Variants in RTKN observed in about 807,000 individuals in gnomAD.
The protein encoded by RTKN is rhotekin.
RTKN carries 49 observed loss-of-function variants against 63.5 expected under a neutral mutation model. The ratio of observed to expected loss-of-function variants is 0.77; its 90% CI spans 0.61 to 0.98. RTKN has a LOEUF of 0.98. RTKN is among the 50% of genes least tolerant of loss of function. RTKN has a pLI of 0.00. For missense variants in RTKN, 685 were observed against 740.8 expected (o/e 0.92, Z 0.87); for synonymous variants, 295 against 290.4 (o/e 1.02, Z -0.16).
intron 11 of RTKN, chr2:74,426,848 AAAGCGGTGCC>A: frequency 7.4e-7 from 1 of 1,343,200 alleles, no homozygotes; most frequent in Non-Finnish European, 9.5e-7. Context: ...GGAGAAAATG[AAAGCGGTGCC>A]AGGCAAGTGA....
intron 6 of RTKN, 62 bp from the exon 7 acceptor site, chr2:74,429,004 A>ATG (rs1243381289): frequency 7.6e-7 from 1 of 1,322,590 alleles, no homozygotes; most frequent in Non-Finnish European, 1.1e-6. Flanking sequence ...AGGAACTCTA[A>ATG]GGGCTGAGCA....
rs1472408365 is a variant in RTKN, at chr2:74,426,191, C to T, written c.*52G>A. 18 of 1,524,546 alleles carry T rather than the reference C, an allele frequency of 1.2e-5. No individual in the cohort carries two copies. The highest frequency in any genetic ancestry group is 6.9e-5 in the Admixed American group (4 of 58,162). 94.4% of individuals were successfully genotyped at this position (1,524,546 alleles called of 1,614,324 possible). A position where few individuals can be genotyped will look rare whatever the true frequency, so the allele number is the denominator to read the frequency against. On this transcript the variant is annotated 3_prime_UTR_variant, in exon 12 of 12. Coordinates refer to ENST00000272430, the MANE Select transcript of RTKN (RefSeq NM_001015055.2). ...CAGCGCCGTATCCAGAGCCCAACTGCGCATGGGTCATTTTCTCTTCTGGGC... is the reference window on the plus strand; with the variant it reads ...CAGCGCCGTATCCAGAGCCCAACTGTGCATGGGTCATTTTCTCTTCTGGGC...
rs1270120066 is a variant in RTKN, at chr2:74,428,694, G to GCAACACAC, written c.886_893dup (p.Cys298TrpfsTer13). On this transcript the variant is annotated frameshift_variant, in exon 8 of 12. Transcript: ENST00000272430. LOFTEE classifies it high-confidence loss of function. Reference sequence around the variant, plus strand: ...TGCAGAGAGGCTGAGCTGCCAGACGGCAACACACGCTACCATAAAGGGGCA... The same window carrying GCAACACAC: ...TGCAGAGAGGCTGAGCTGCCAGACGGCAACACACCAACACACGCTACCATAAAGGGGCA... 1 of 1,614,034 alleles carries GCAACACAC rather than the reference G, an allele frequency of 6.2e-7. No homozygotes were observed. The highest frequency in any genetic ancestry group is 8.5e-7 in the Non-Finnish European group (1 of 1,179,974).
chr2:74,427,128 C>T, intron 11 of RTKN, 41 bp downstream of exon 11: 12 of 1,587,220 alleles, frequency 7.6e-6, no homozygotes, highest in Non-Finnish European at 1.0e-5. Context: ...CCCAACCCTA[C>T]TTCCCATTAG....
chr2:74,433,019 G>A (rs989311023), intron 1 of RTKN, among the ~76,000 whole-genome samples: 5 of 152,086 alleles, frequency 3.3e-5, no homozygotes, highest in Non-Finnish European at 5.9e-5. Context: ...AGAGGCAGGC[G>A]GATCACAAGG....
At chr2:74,439,890 AG>A in intron 1 of RTKN, 1 of 1,296,538 alleles carries the variant, frequency 7.7e-7, no homozygotes, top group Middle Eastern at 3.1e-4. Flanking sequence ...AGTGAGGATA[AG>A]TGGGGTCCCA....
Position 74,428,332 on chromosome 2 carries a change from CAGAAG to C in RTKN, c.1017_1021del (p.Phe340LeufsTer5). On this transcript the variant is annotated frameshift_variant, in exon 9 of 12. Transcript: ENST00000272430. LOFTEE classifies it high-confidence loss of function. ...GTCTGCATCCTCAGGTTGCCGGTAA[CAGAAG>C]AGGTTTGTGCCTTTCAGAACTCCAT... The C allele has an allele frequency of 6.2e-7, 1 of 1,614,180 alleles. No homozygotes were observed. The highest frequency in any genetic ancestry group is 8.5e-7 in the Non-Finnish European group (1 of 1,180,018).
intron 6 of RTKN, 39 bp from the exon 7 acceptor site, chr2:74,428,981 C>A: frequency 6.5e-7 from 1 of 1,531,818 alleles, no homozygotes; most frequent in South Asian, 1.1e-5. Context: ...AAGGGAGGGG[C>A]ATGTTGGCCA....
In RTKN at chr2:74,427,160, C is replaced by T. The variant is rs1297520979; in HGVS notation, c.1360+9G>A. 13 of 1,611,560 alleles carry T rather than the reference C, an allele frequency of 8.1e-6. No homozygotes were observed. The highest frequency in any genetic ancestry group is 1.3e-5 in the African/African-American group (1 of 74,944). On this transcript the variant is annotated intron_variant, in intron 11 of 11. Coordinates refer to ENST00000272430, the MANE Select transcript of RTKN (RefSeq NM_001015055.2). ...TTAGCTTCCTGGAGTTCACATTCCT[C>T]TCACTTACCCATCTCATGGTACAAG...
chr2:74,440,584 C>G (rs1035499378), intron 1 of RTKN: 4 of 985,502 alleles, frequency 4.1e-6, no homozygotes, highest in African/African-American at 3.5e-5. Flanking sequence ...GAGCTGTCCC[C>G]GAAGGCCGGG....
rs1242503285 is a variant in RTKN at position 74,430,450 on chromosome 2, G to A, written c.427+15C>T. On this transcript the variant is annotated intron_variant, in intron 4 of 11. Transcript: ENST00000272430. ...GTCATTCCCCTGAATTTGTCCCAGG[G>A]TGTGTGGAACTCACCACCTTTGTTC... The A allele has an allele frequency of 1.2e-6, 2 of 1,614,042 alleles. No individual in the cohort carries two copies. The highest frequency in any genetic ancestry group is 1.7e-6 in the Non-Finnish European group (2 of 1,179,882).
rs748739513 is a variant in RTKN, at chr2:74,430,009, G to A, written c.574C>T (p.Arg192Trp). ...ACACAGGCCCCATACAGCTCTAACCGCAGTTCAAAGTCTGGCCCCGCCTCA... is the reference window on the plus strand; with the variant it reads ...ACACAGGCCCCATACAGCTCTAACCACAGTTCAAAGTCTGGCCCCGCCTCA... Reference protein sequence around the residue: ...FAEAGPDFELRLELYGACVEE... With the variant: ...FAEAGPDFELWLELYGACVEE... Residue 192 changes from arginine (R) to tryptophan (W), a missense_variant, in exon 6 of 12, where the codon CGG (arginine) becomes TGG (tryptophan). Transcript: ENST00000272430. 21 of 1,614,200 alleles carry A rather than the reference G, an allele frequency of 1.3e-5. No homozygotes were observed. The highest frequency in any genetic ancestry group is 1.7e-5 in the Admixed American group (1 of 60,028).
rs369307365 is a variant in RTKN, at chr2:74,441,724, G to T, written c.93C>A (p.Leu31=). 8.1e-6 allele frequency: 13 copies of T among 1,611,212 alleles called. No homozygotes were observed. Among genetic ancestry groups the T allele is most frequent in the Non-Finnish European group, 1.1e-5 (13 of 1,179,312 alleles). Residue 31 remains leucine, a synonymous_variant, in exon 1 of 12, where the codon CTC becomes CTA. Transcript: ENST00000272430. ...CTCTCACCTCGGGCAGGTCGCTGAA[G>T]AGGCTGAGTCGGAAGCGGCCGCGTT... ...EFKRGRFRLS[L]FSDLPEDTEL...
intron 1 of RTKN, chr2:74,439,500 G>A (rs368563179): frequency 1.9e-6 from 3 of 1,595,168 alleles, no homozygotes; most frequent in Non-Finnish European, 2.6e-6. Flanking sequence ...GCAGAGATTG[G>A]GGCTGGGATG....
chr2:74,427,061 G>C, intron 11 of RTKN, 108 bp downstream of exon 11: 1 of 1,496,324 alleles, frequency 6.7e-7, no homozygotes, highest in East Asian at 2.3e-5. Context: ...CCAGAGATCT[G>C]GTGTAGCCCA....
At chr2:74,440,863 T>C (rs552132325) in intron 1 of RTKN, among the ~76,000 whole-genome samples, 1 of 151,930 alleles carries the variant, frequency 6.6e-6, no homozygotes, top group East Asian at 1.9e-4. Context: ...AGCCGGGAGG[T>C]AGAGGGGGCG....
intron 6 of RTKN, 42 bp downstream of exon 6, chr2:74,429,786 A>G: frequency 6.3e-7 from 1 of 1,576,640 alleles, no homozygotes; most frequent in South Asian, 1.1e-5. Context: ...CTGTGGGCAG[A>G]ATACAGGCAG....
At chr2:74,427,630 G>A (rs753490940) in intron 9 of RTKN, 38 bp from the exon 10 acceptor site, 14 of 1,593,648 alleles carry the variant, frequency 8.8e-6, no homozygotes, top group Middle Eastern at 2.3e-4. Flanking sequence ...GGTCACAGAA[G>A]TTGGCAGTGA....
Position 74,432,488 on chromosome 2 carries a change from A to G in RTKN, c.290T>C (p.Val97Ala). The part of the protein sequence containing the change: ...GELQRRKEAQ[V>A]LGKTSRRPSD... The stretch of plus-strand genomic sequence containing the variant: ...TCACCGCCGGCTTGTCTTCCCCAGC[A>G]CCTGCGCCTCCTTGCGCCGCTGCAG... Residue 97 changes from valine (V) to alanine (A), a missense_variant, in exon 2 of 12, where the codon GTG (valine) becomes GCG (alanine). Physicochemically the swap from Val to Ala is moderately conservative, Grantham distance 64 (BLOSUM62 0). Coordinates refer to ENST00000272430, the MANE Select transcript of RTKN (RefSeq NM_001015055.2). 3 of 1,611,036 alleles carry G rather than the reference A, an allele frequency of 1.9e-6. No homozygotes were observed. Among genetic ancestry groups the G allele is most frequent in the Non-Finnish European group, 2.5e-6 (3 of 1,179,956 alleles).
Sources: gnomAD v4.1 joint callset for allele counts (sites outside exome capture counted in the v4.1 genomes callset) on GRCh38, gnomAD v4.1.1 for gene constraint, MANE v1.5 for transcripts, NCBI Gene and HGNC (gene_info 2026-07-23, HGNC 2026-07-21) for gene names.